The following SLC45A4 variants were observed in gnomAD, a reference collection of about 807,000 sequenced individuals.
SLC45A4 encodes polyamine-transporter SLC45A4.
A neutral mutation model predicts 63.7 loss-of-function variants in SLC45A4; 32 were observed. That is an observed-to-expected ratio of 0.50 (90% confidence interval 0.38 to 0.67). The LOEUF is 0.67. SLC45A4 is among the 30% of genes least tolerant of loss of function. SLC45A4 has a pLI of 0.00. For missense variants in SLC45A4, 1,027 were observed against 1,157.7 expected (o/e 0.89, Z 1.64); for synonymous variants, 535 against 510.0 (o/e 1.05, Z -0.66).
intron 1 of SLC45A4, among the ~76,000 whole-genome samples, chr8:141,264,218 C>A (rs1829165341): frequency 1.3e-5 from 2 of 152,156 alleles, no homozygotes; most frequent in African/African-American, 4.8e-5. Flanking sequence ...GATCCATATG[C>A]TCGAGTGTGG....
chr8:141,297,082 C>A (rs1830582772), intron 1 of SLC45A4, among the ~76,000 whole-genome samples: 2 of 152,152 alleles, frequency 1.3e-5, no homozygotes, highest in African/African-American at 4.8e-5. Context: ...GAGTCCCCCC[C>A]AGGTTTGCCA....
chr8:141,250,019 G>C (rs1021424504), intron 2 of SLC45A4, among the ~76,000 whole-genome samples: 2 of 152,202 alleles, frequency 1.3e-5, no homozygotes, highest in African/African-American at 4.8e-5. Context: ...TTCATCTGGT[G>C]AGGGTCAGTT....
chr8:141,263,674 G>A (rs1452957714), intron 1 of SLC45A4, among the ~76,000 whole-genome samples: 1 of 150,614 alleles, frequency 6.6e-6, no homozygotes, highest in Non-Finnish European at 1.5e-5. Flanking sequence ...GGAGGCTGAA[G>A]CAGGAGAATT....
chr8:141,275,463 T>C (rs1428093490), intron 1 of SLC45A4, among the ~76,000 whole-genome samples: 1 of 152,094 alleles, frequency 6.6e-6, no homozygotes, highest in South Asian at 2.1e-4. Context: ...CCAGGCTTGG[T>C]GGCATGCTCC....
intron 1 of SLC45A4, among the ~76,000 whole-genome samples, chr8:141,279,609 C>T (rs948468377): frequency 3.3e-5 from 5 of 152,244 alleles, no homozygotes; most frequent in Admixed American, 6.5e-5. Context: ...GAGAAGCCTG[C>T]CAATCATGCA....
At chr8:141,258,019 G>T (rs1828873466) in intron 1 of SLC45A4, among the ~76,000 whole-genome samples, 1 of 150,422 alleles carries the variant, frequency 6.6e-6, no homozygotes, top group South Asian at 2.1e-4. Context: ...TCGGGCCACA[G>T]ATGGTCTCTG....
intron 1 of SLC45A4, among the ~76,000 whole-genome samples, chr8:141,274,017 C>G (rs1829637094): frequency 7.0e-6 from 1 of 143,098 alleles, no homozygotes; most frequent in African/African-American, 2.6e-5. Context: ...ATCATGAGGT[C>G]AGAAGATTGA....
chr8:141,254,731 G>A lies in SLC45A4; in HGVS notation c.-400-102C>T, dbSNP rs1229101428. 7.3e-6 allele frequency: 5 copies of A among 684,866 alleles called. No individual in the cohort carries two copies. Among genetic ancestry groups the A allele is most frequent in the South Asian group, 6.0e-5 (4 of 66,536 alleles). 42.4% of individuals were successfully genotyped at this position (684,866 alleles called of 1,614,324 possible). On this transcript the variant is annotated intron_variant, in intron 1 of 8. Transcript: ENST00000517878. This position sits in a 1 kb window ranked among gnomAD's most constrained non-coding sequence, Gnocchi z 4.5. ...CCCGAGCAAGCCGTGTGCCCCGAGGGCCCGACCCAAGATCACACAGCTCTC... is the reference window on the plus strand; with the variant it reads ...CCCGAGCAAGCCGTGTGCCCCGAGGACCCGACCCAAGATCACACAGCTCTC...
chr8:141,234,841 C>A (rs1221164518), intron 2 of SLC45A4, among the ~76,000 whole-genome samples: 1 of 152,214 alleles, frequency 6.6e-6, no homozygotes, highest in Admixed American at 6.5e-5. Context: ...CAGCCAGGCT[C>A]CAGCAGGACT....
chr8:141,270,840 G>T (rs1481269509), intron 1 of SLC45A4, among the ~76,000 whole-genome samples: 1 of 152,030 alleles, frequency 6.6e-6, no homozygotes, highest in Non-Finnish European at 1.5e-5. Flanking sequence ...GGGTCCCCAC[G>T]GCACCACCAG....
At chr8:141,266,696 A>G (rs1829281714) in intron 1 of SLC45A4, among the ~76,000 whole-genome samples, 1 of 152,204 alleles carries the variant, frequency 6.6e-6, no homozygotes, top group African/African-American at 2.4e-5. Context: ...ATAATATACA[A>G]AGAGTCCTTA....
At chr8:141,236,019 G>T (rs1327648784) in intron 2 of SLC45A4, among the ~76,000 whole-genome samples, 4 of 152,144 alleles carry the variant, frequency 2.6e-5, no homozygotes, top group Non-Finnish European at 5.9e-5. Context: ...CAGGAGAATC[G>T]CTTGAACCCG....
chr8:141,212,145 C>CCCGGGGGGGGGGGG, intron 8 of SLC45A4, 52 bp downstream of exon 8: 4 of 955,994 alleles, frequency 4.2e-6, no homozygotes, highest in Non-Finnish European at 2.6e-6. Context: ...GCCGCCCGCC[C>CCCGGGGGGGGGGGG]GCCCGCCCAC....
In SLC45A4 at chr8:141,209,211, G is replaced by A. The variant is rs558476541; in HGVS notation, c.*2361C>T. The A allele has an allele frequency of 6.6e-6, 1 of 152,466 alleles. No individual in the cohort carries two copies. The highest frequency in any genetic ancestry group is 6.5e-5 in the Admixed American group (1 of 15,308). The allele number at this position is 152,466 out of a possible 1,614,324, so 9.4% of individuals were successfully genotyped here. ...TTACTGCATCCGTCTGAGGTACAAG[G>A]TTAGAAGCCACAGACACCCGAGCTG... On this transcript the variant is annotated 3_prime_UTR_variant, in exon 9 of 9. Transcript: ENST00000517878.
At chr8:141,220,847 G>A (rs951759218) in intron 3 of SLC45A4, among the ~76,000 whole-genome samples, 2 of 152,250 alleles carry the variant, frequency 1.3e-5, no homozygotes, top group African/African-American at 2.4e-5. Flanking sequence ...GGCTGCTCTC[G>A]AGGGACACGG....
chr8:141,219,245 T>C (rs566969161), intron 4 of SLC45A4, among the ~76,000 whole-genome samples: 143 of 152,298 alleles, frequency 9.4e-4, no homozygotes, highest in African/African-American at 3.3e-3. Flanking sequence ...CCTTGATCAA[T>C]GAAGGGCAGA....
intron 1 of SLC45A4, among the ~76,000 whole-genome samples, chr8:141,282,473 G>A (rs930698593): frequency 6.6e-6 from 1 of 152,190 alleles, no homozygotes. Context: ...CTCCATCGCT[G>A]CCCTCCCTCC....
In SLC45A4 at chr8:141,256,032, C is replaced by T. The variant is rs191025868; in HGVS notation, c.-400-1403G>A. Among the ~76,000 whole-genome samples, 454 of 152,276 alleles carry T rather than the reference C, an allele frequency of 3.0e-3. 3 individuals are homozygous for T. Among genetic ancestry groups the T allele is most frequent in the African/African-American group, 0.011 (439 of 41,552 alleles). On this transcript the variant is annotated intron_variant, in intron 1 of 8. Transcript: ENST00000517878. The surrounding 1 kb of genome is among the most constrained non-coding windows in gnomAD (Gnocchi z 4.3). ...TACGGAACCCTATCACCCCAACCCT[C>T]GGCTTTCCACCACCCTGCCTCCAGT...
intron 1 of SLC45A4, among the ~76,000 whole-genome samples, chr8:141,264,563 G>C (rs979023830): frequency 1.3e-5 from 2 of 152,078 alleles, no homozygotes; most frequent in Admixed American, 6.6e-5. Flanking sequence ...GATTCGCTCT[G>C]GGAAAAAAGT....
Sources: gnomAD v4.1 joint callset for allele counts (sites outside exome capture counted in the v4.1 genomes callset) on GRCh38, gnomAD v4.1.1 for gene constraint, Gnocchi (gnomAD v3.1) non-coding constraint, MANE v1.5 for transcripts, NCBI Gene and HGNC (gene_info 2026-07-23, HGNC 2026-07-21) for gene names.